PREB: variants seen among roughly 807,000 people sequenced by gnomAD.
PREB encodes the protein prolactin regulatory element binding.
In PREB, 29 loss-of-function variants were observed where a neutral mutation model predicts 46.7. The observed-to-expected ratio is 0.62, with a 90% confidence interval of 0.46 to 0.85. The LOEUF is 0.85. Ranked by LOEUF, PREB falls within the 40% of genes least tolerant of loss-of-function variation. The probability of loss-of-function intolerance (pLI) is 0.00; values close to 1 mark genes in which losing one functional copy is unlikely to be tolerated. For synonymous variants in PREB, 224 were observed against 220.1 expected (o/e 1.02, Z -0.16); for missense variants, 494 against 528.4 (o/e 0.93, Z 0.64).
At chr2:27,133,393 C>T in intron 2 of PREB, 56 bp from the exon 3 acceptor site, 1 of 1,605,618 alleles carries the variant, frequency 6.2e-7, no homozygotes, top group Admixed American at 1.7e-5. Flanking sequence ...AGTACTGGCC[C>T]CTCTCTCCAT....
Position 27,132,466 on chromosome 2 carries a change from T to C in PREB, c.753-63A>G. On this transcript the variant is annotated intron_variant, in intron 5 of 8. Coordinates refer to ENST00000260643, the MANE Select transcript of PREB (RefSeq NM_013388.6). The surrounding 1 kb of genome is among the most constrained non-coding windows in gnomAD (Gnocchi z 4.0). ...CTGCCCAACCCTCCTCAGAGGTTTG[T>C]GCACCACCTGCACCCTGGTCAGACC... The C allele has an allele frequency of 1.3e-6, 2 of 1,588,046 alleles. No homozygotes were observed. Among genetic ancestry groups the C allele is most frequent in the East Asian group, 2.2e-5 (1 of 44,570 alleles).
intron 3 of PREB, 86 bp downstream of exon 3, chr2:27,133,031 A>G (rs144828013): frequency 0.037 from 58,155 of 1,582,714 alleles, 1,239 homozygotes; most frequent in Non-Finnish European, 0.043. Flanking sequence ...TTCATTCACA[A>G]GTTTCCCAGA....
rs1172722954 is a variant in PREB, at chr2:27,133,162, G to A, written c.501C>T (p.Thr167=). Residue 167 remains threonine, a synonymous_variant, in exon 3 of 9, where the codon ACC becomes ACT. Coordinates refer to ENST00000260643, the MANE Select transcript of PREB (RefSeq NM_013388.6). The stretch of plus-strand genomic sequence containing the variant: ...CATCTGTTCCTCCAGTGGCAAGCAG[G>A]GTATTATCGTGGTTGAAGCACACAA... ...QKVVCFNHDN[T]LLATGGTDGY... 4 of 1,614,164 alleles carry A rather than the reference G, an allele frequency of 2.5e-6. No individual in the cohort carries two copies. Among genetic ancestry groups the A allele is most frequent in the Middle Eastern group, 1.6e-4 (1 of 6,062 alleles).
Position 27,134,604 on chromosome 2 carries a change from G to C in PREB, c.-183C>G, listed in dbSNP as rs1283076868. On this transcript the variant is annotated 5_prime_UTR_variant, in exon 1 of 9. Coordinates refer to ENST00000260643, the MANE Select transcript of PREB (RefSeq NM_013388.6). ...CAGCAGGAAGCCGAGCCTCAGCTCGGCTCCGTCCAAGTCGGTCTCGCAGAC... is the reference window on the plus strand; with the variant it reads ...CAGCAGGAAGCCGAGCCTCAGCTCGCCTCCGTCCAAGTCGGTCTCGCAGAC... 2 of 1,334,894 alleles carry C rather than the reference G, an allele frequency of 1.5e-6. No homozygotes were observed. Among genetic ancestry groups the C allele is most frequent in the South Asian group, 2.0e-5 (1 of 51,020 alleles). The allele number at this position is 1,334,894 out of a possible 1,614,324, so 82.7% of individuals were successfully genotyped here. A position where few individuals can be genotyped will look rare whatever the true frequency, so the allele number is the denominator to read the frequency against.
Position 27,131,332 on chromosome 2 carries a change from G to C in PREB, c.*82C>G. ...GCAACCTCAGCTGTGGACCCGAATG[G>C]AGTGAGCAAAGGGAGTCCAGGCCTC... On this transcript the variant is annotated 3_prime_UTR_variant, in exon 9 of 9. Coordinates refer to ENST00000260643, the MANE Select transcript of PREB (RefSeq NM_013388.6). 2.3e-6 allele frequency: 3 copies of C among 1,278,846 alleles called. No homozygotes were observed. The highest frequency in any genetic ancestry group is 2.2e-6 in the Non-Finnish European group (2 of 900,938). 79.2% of individuals were successfully genotyped at this position (1,278,846 alleles called of 1,614,324 possible). A position where few individuals can be genotyped will look rare whatever the true frequency, so the allele number is the denominator to read the frequency against.
chr2:27,130,957 A>G lies in PREB; in HGVS notation c.*457T>C. The G allele has an allele frequency of 6.5e-6, 4 of 610,702 alleles. No homozygotes were observed. The South Asian group carries it at 8.0e-5, about 12-fold the overall frequency. 37.8% of individuals were successfully genotyped at this position (610,702 alleles called of 1,614,324 possible). A position where few individuals can be genotyped will look rare whatever the true frequency, so the allele number is the denominator to read the frequency against. Reference sequence around the variant, plus strand: ...CTTCCTTTTGCCCCTTCCTGCCCTAACAGCAAGTACCAGGCCAGTCCCTTC... The same window carrying G: ...CTTCCTTTTGCCCCTTCCTGCCCTAGCAGCAAGTACCAGGCCAGTCCCTTC... On this transcript the variant is annotated 3_prime_UTR_variant, in exon 9 of 9. Coordinates refer to ENST00000260643, the MANE Select transcript of PREB (RefSeq NM_013388.6).
chr2:27,134,104 C>CCT (rs1672398339), intron 1 of PREB, 183 bp downstream of exon 1: 7 of 832,864 alleles, frequency 8.4e-6, no homozygotes, highest in Admixed American at 3.0e-5. Flanking sequence ...ACCTTAAAAG[C>CCT]CTCTCCTCCG....
rs766665102 is a variant in PREB, at chr2:27,131,270, C to G, written c.*144G>C. The G allele has an allele frequency of 1.3e-6, 1 of 746,114 alleles. No individual in the cohort carries two copies. Among genetic ancestry groups the G allele is most frequent in the Non-Finnish European group, 2.2e-6 (1 of 448,464 alleles). The allele number at this position is 746,114 out of a possible 1,614,324, so 46.2% of individuals were successfully genotyped here. On this transcript the variant is annotated 3_prime_UTR_variant, in exon 9 of 9. Coordinates refer to ENST00000260643, the MANE Select transcript of PREB (RefSeq NM_013388.6). ...ACAGGGCCATAGCCAAGCCTTTTCA[C>G]TAGAAGGGCAGGCAGTGCCCATTCA...
At position 27,134,609 on chromosome 2, in the gene PREB, G is replaced by C. The variant is rs1322529907; in HGVS notation, c.-188C>G. The C allele has an allele frequency of 1.1e-5, 14 of 1,314,010 alleles. No individual in the cohort carries two copies. In the Admixed American group the frequency reaches 1.6e-4, roughly 15 times the overall value. 81.4% of individuals were successfully genotyped at this position (1,314,010 alleles called of 1,614,324 possible). A position where few individuals can be genotyped will look rare whatever the true frequency, so the allele number is the denominator to read the frequency against. ...GGAAGCCGAGCCTCAGCTCGGCTCC[G>C]TCCAAGTCGGTCTCGCAGACGCGCA... On this transcript the variant is annotated 5_prime_UTR_variant, in exon 1 of 9. Transcript: ENST00000260643.
intron 1 of PREB, 59 bp downstream of exon 1, chr2:27,134,228 A>G: frequency 1.4e-6 from 2 of 1,476,638 alleles, no homozygotes; most frequent in Non-Finnish European, 1.8e-6. Context: ...CCCCCCGGCC[A>G]CCCTGGAATC....
chr2:27,131,605 T>A, intron 8 of PREB, 67 bp downstream of exon 8: 1 of 1,599,338 alleles, frequency 6.3e-7, no homozygotes, highest in Middle Eastern at 1.7e-4. Context: ...GAGCCCAGCC[T>A]CCGGGGGGCA....
At chr2:27,131,928 G>A (rs1672294224) in intron 7 of PREB, 82 bp downstream of exon 7, 10 of 1,591,862 alleles carry the variant, frequency 6.3e-6, no homozygotes, top group Admixed American at 1.7e-5. Flanking sequence ...TCGATAGGAT[G>A]GGCCAGACTC....
Position 27,134,367 on chromosome 2 carries a change from G to C in PREB, c.55C>G (p.Leu19Val). 6.2e-7 allele frequency: 1 copy of C among 1,611,072 alleles called. No homozygotes were observed. The highest frequency in any genetic ancestry group is 8.5e-7 in the Non-Finnish European group (1 of 1,179,410). Reference protein sequence around the residue: ...LYRAPFPLYALQVDPSTGLLI... With the variant: ...LYRAPFPLYAVQVDPSTGLLI... ...AGCCCAGTGCTGGGGTCGACCTGAAGCGCGTACAACGGGAACGGAGCCCGG... is the reference window on the plus strand; with the variant it reads ...AGCCCAGTGCTGGGGTCGACCTGAACCGCGTACAACGGGAACGGAGCCCGG... The change falls in exon 1 of 9, where the codon CTT (leucine) becomes GTT (valine). Residue 19 changes from leucine (L) to valine (V), a missense_variant. Transcript: ENST00000260643.
Position 27,133,545 on chromosome 2 carries a change from C to T in PREB, c.312G>A (p.Lys104=). 6.2e-7 allele frequency: 1 copy of T among 1,613,740 alleles called. No homozygotes were observed. ...RFQAHQQQGN[K]AEKAGSKEQG... ...GGAGCTCCTCACCGGCCTTCTCTGC[C>T]TTGTTGCCCTGCTGTTGATGTGCCT... Residue 104 remains lysine (K), a synonymous_variant, in exon 2 of 9, where the codon AAG becomes AAA. Transcript: ENST00000260643.
rs1334676425 is a variant in PREB, at chr2:27,132,230, C to CT, written c.925dup (p.Ser309LysfsTer2). 6.2e-7 allele frequency: 1 copy of CT among 1,614,214 alleles called. No individual in the cohort carries two copies. Among genetic ancestry groups the CT allele is most frequent in the East Asian group, 2.2e-5 (1 of 44,888 alleles). The stretch of plus-strand genomic sequence containing the variant: ...TAGCCAAGGCAGCAATGTCTCACAC[C>CT]TGACATCGAGGCAGGAGACGACTTC... On this transcript the variant is annotated frameshift_variant and splice_region_variant, in exon 6 of 9. Transcript: ENST00000260643. LOFTEE classifies it high-confidence loss of function. The surrounding 1 kb of genome is among the most constrained non-coding windows in gnomAD (Gnocchi z 4.0).
Position 27,132,237 on chromosome 2 carries a change from C to A in PREB, c.919G>T (p.Asp307Tyr), listed in dbSNP as rs761307766. The A allele has an allele frequency of 4.3e-6, 7 of 1,614,174 alleles. No individual in the cohort carries two copies. The East Asian group carries it at 1.3e-4, about 31-fold the overall frequency. The change falls in exon 6 of 9, where the codon GAT becomes TAT. Residue 307 changes from aspartate to tyrosine, a missense_variant. Physicochemically the swap from Asp to Tyr is radical, Grantham distance 160. Transcript: ENST00000260643. The surrounding 1 kb of genome is among the most constrained non-coding windows in gnomAD (Gnocchi z 4.0). ...SCGHEVVSCL[D>Y]VSESGTFLGL... ...GGCAGCAATGTCTCACACCTGACATCGAGGCAGGAGACGACTTCATGGCCA... is the reference window on the plus strand; with the variant it reads ...GGCAGCAATGTCTCACACCTGACATAGAGGCAGGAGACGACTTCATGGCCA...
At position 27,133,586 on chromosome 2, in the gene PREB, G is replaced by A; in HGVS notation, c.271C>T (p.Gln91Ter). 1 of 1,614,168 alleles carries A rather than the reference G, an allele frequency of 6.2e-7. No homozygotes were observed. The highest frequency in any genetic ancestry group is 1.1e-5 in the South Asian group (1 of 91,086). ...ILAAGQDAHCQLLRFQAHQQQ... is the reference protein window; with the variant it reads ...ILAAGQDAHC Reference sequence around the variant, plus strand: ...TGATGTGCCTGGAAGCGCAGGAGCTGACAGTGGGCATCCTGCCCTGCAGCA... The same window carrying A: ...TGATGTGCCTGGAAGCGCAGGAGCTAACAGTGGGCATCCTGCCCTGCAGCA... The change falls in exon 2 of 9, where the codon CAG becomes TAG. Residue 91 changes from glutamine to a stop codon, truncating the protein, a stop_gained. Coordinates refer to ENST00000260643, the MANE Select transcript of PREB (RefSeq NM_013388.6). LOFTEE classifies it high-confidence loss of function.
intron 8 of PREB, 30 bp downstream of exon 8, chr2:27,131,642 G>GTGCC: frequency 6.2e-7 from 1 of 1,611,000 alleles, no homozygotes; most frequent in Non-Finnish European, 8.5e-7. Context: ...ACGTGGGGTG[G>GTGCC]TGCCTGCCTG....
rs1672317497 is a variant in PREB at position 27,132,416 on chromosome 2, T to G, written c.753-13A>C. ...AACCTGCCCAAACCTGGGGGCCGGATGAGGGGCTATTCAGCTCCTAGGGCC... is the reference window on the plus strand; with the variant it reads ...AACCTGCCCAAACCTGGGGGCCGGAGGAGGGGCTATTCAGCTCCTAGGGCC... On this transcript the variant is annotated splice_polypyrimidine_tract_variant and intron_variant, in intron 5 of 8. Coordinates refer to ENST00000260643, the MANE Select transcript of PREB (RefSeq NM_013388.6). The surrounding 1 kb of genome is among the most constrained non-coding windows in gnomAD (Gnocchi z 4.0). 2 of 1,607,824 alleles carry G rather than the reference T, an allele frequency of 1.2e-6. No individual in the cohort carries two copies. Among genetic ancestry groups the G allele is most frequent in the Admixed American group, 3.3e-5 (2 of 59,870 alleles).
Sources: gnomAD v4.1 joint callset for allele counts on GRCh38, gnomAD v4.1.1 for gene constraint, Gnocchi (gnomAD v3.1) non-coding constraint, MANE v1.5 for transcripts, NCBI Gene and HGNC (gene_info 2026-07-23, HGNC 2026-07-21) for gene names.